Variants in TTLL4 observed in about 807,000 individuals in gnomAD.
TTLL4 encodes tubulin tyrosine ligase like 4, also known as tubulin monoglutamylase TTLL4.
A neutral mutation model predicts 122.7 loss-of-function variants in TTLL4; 85 were observed. That is an observed-to-expected ratio of 0.69 (90% confidence interval 0.58 to 0.83). The LOEUF is 0.83. Among genes scored for constraint, TTLL4 ranks in the 40% least tolerant of loss-of-function variants. The pLI is 0.00. For missense variants in TTLL4, 1,363 were observed against 1,488.6 expected (o/e 0.92, Z 1.39); for synonymous variants, 553 against 563.0 (o/e 0.98, Z 0.25).
In TTLL4 at chr2:218,754,639, A is replaced by C; in HGVS notation, c.*250A>C. ...TGGCTGGCACCTCATATCTCAGCAG[A>C]GAAGCCAGTGGTGGCCACGCAGCCT... On this transcript the variant is annotated 3_prime_UTR_variant, in exon 20 of 20. Transcript: ENST00000392102. 1.7e-6 allele frequency: 1 copy of C among 576,078 alleles called. No homozygotes were observed. The highest frequency in any genetic ancestry group is 2.4e-5 in the South Asian group (1 of 42,544). The allele number at this position is 576,078 out of a possible 1,614,324, so 35.7% of individuals were successfully genotyped here.
chr2:218,742,404 A>C (rs1050149931), intron 5 of TTLL4, among the ~76,000 whole-genome samples: 1 of 152,220 alleles, frequency 6.6e-6, no homozygotes, highest in Non-Finnish European at 1.5e-5. Context: ...ACCACTGAAA[A>C]ACAGAAAAAT....
chr2:218,712,303 A>T (rs1231438222), intron 1 of TTLL4, among the ~76,000 whole-genome samples: 1 of 152,200 alleles, frequency 6.6e-6, no homozygotes, highest in East Asian at 1.9e-4. Context: ...AAGCTGGAGT[A>T]ATCAGGGTTG....
intron 16 of TTLL4, 99 bp downstream of exon 16, chr2:218,751,905 T>TA: frequency 2.0e-6 from 1 of 512,126 alleles, no homozygotes; most frequent in Non-Finnish European, 2.8e-6. Context: ...TTTTCTTTTC[T>TA]TTTTCTTTTT....
At chr2:218,739,238 G>C (rs1341128208) in intron 3 of TTLL4, 75 bp downstream of exon 3, 28 of 1,495,492 alleles carry the variant, frequency 1.9e-5, no homozygotes, top group Non-Finnish European at 2.3e-5. Context: ...CACCGACCCT[G>C]TACCTCTGAA....
In TTLL4 at chr2:218,752,914, G is replaced by T. The variant is rs1471710466; in HGVS notation, c.3128G>T (p.Arg1043Leu). 6.2e-7 allele frequency: 1 copy of T among 1,613,940 alleles called. No individual in the cohort carries two copies. Among genetic ancestry groups the T allele is most frequent in the Non-Finnish European group, 8.5e-7 (1 of 1,180,028 alleles). Residue 1043 changes from arginine (R) to leucine (L), a missense_variant, in exon 17 of 20, where the codon CGA becomes CTA. Arg to Leu is a moderately radical substitution (Grantham distance 102). This residue lies in a region of TTLL4 where 596 missense variants were observed against 655.8 expected (regional missense o/e 0.91). Transcript: ENST00000392102. ...SRYLRFFEQPRYFNILTTQWE... is the reference protein window; with the variant it reads ...SRYLRFFEQPLYFNILTTQWE... Reference sequence around the variant, plus strand: ...TATCTCCGCTTTTTTGAGCAGCCACGATATTTCAACATTCTCACCACCCAA... The same window carrying T: ...TATCTCCGCTTTTTTGAGCAGCCACTATATTTCAACATTCTCACCACCCAA...
chr2:218,751,406 C>T (rs1299565621), intron 15 of TTLL4, among the ~76,000 whole-genome samples: 1 of 152,170 alleles, frequency 6.6e-6, no homozygotes. Flanking sequence ...TAAGTGTTCA[C>T]TGAATTAAAC....
intron 17 of TTLL4, 49 bp downstream of exon 17, chr2:218,753,022 A>C (rs1244949944): frequency 6.2e-7 from 1 of 1,613,678 alleles, no homozygotes; most frequent in African/African-American, 1.3e-5. Context: ...TGAGAGATTA[A>C]ATCCCAGTAT....
At chr2:218,718,081 G>A (rs929721805) in intron 1 of TTLL4, among the ~76,000 whole-genome samples, 1 of 152,214 alleles carries the variant, frequency 6.6e-6, no homozygotes, top group Non-Finnish European at 1.5e-5. Context: ...GAGCCTGTCA[G>A]TTCTATCTTC....
chr2:218,713,723 T>A (rs1185774892), intron 1 of TTLL4, among the ~76,000 whole-genome samples: 6 of 152,226 alleles, frequency 3.9e-5, no homozygotes, highest in Non-Finnish European at 7.3e-5. Flanking sequence ...TATTTAAGAT[T>A]ACTGTAGTGT....
At chr2:218,716,270 C>T (rs1941854188) in intron 1 of TTLL4, among the ~76,000 whole-genome samples, 1 of 152,186 alleles carries the variant, frequency 6.6e-6, no homozygotes, top group African/African-American at 2.4e-5. Context: ...GAACCTTTGC[C>T]AAATAATGAC....
rs768634531 is a variant in TTLL4 at position 218,747,135 on chromosome 2, G to A, written c.2107G>A (p.Ala703Thr). The change falls in exon 9 of 20, where the codon GCC (alanine) becomes ACC (threonine). Residue 703 changes from alanine (A) to threonine (T), a missense_variant. Physicochemically the swap from Ala to Thr is moderately conservative, Grantham distance 58. Coordinates refer to ENST00000392102, the MANE Select transcript of TTLL4 (RefSeq NM_014640.5). This position sits in a 1 kb window ranked among gnomAD's most constrained non-coding sequence, Gnocchi z 4.7. ...CCAGTCCTTTATCCTGCCCCAGGAC[G>A]CCAAGCTCCTGCGCAAAGCGTGGGA... ...FPQSFILPQD[A>T]KLLRKAWESS... 1.1e-5 allele frequency: 18 copies of A among 1,614,092 alleles called. No homozygotes were observed. The highest frequency in any genetic ancestry group is 1.4e-5 in the Non-Finnish European group (16 of 1,180,042).
At chr2:218,719,355 G>A (rs185831480) in intron 1 of TTLL4, among the ~76,000 whole-genome samples, 13 of 152,250 alleles carry the variant, frequency 8.5e-5, no homozygotes, top group Admixed American at 8.5e-4. Context: ...AAAGTATCAC[G>A]TGAGAGGGAC....
At chr2:218,733,217 T>G (rs1942427549) in intron 2 of TTLL4, among the ~76,000 whole-genome samples, 1 of 152,152 alleles carries the variant, frequency 6.6e-6, no homozygotes, top group African/African-American at 2.4e-5. Context: ...GGGACTGTAT[T>G]AGTTCGTTCT....
chr2:218,743,891 C>G (rs1942772352), intron 5 of TTLL4, among the ~76,000 whole-genome samples: 1 of 152,174 alleles, frequency 6.6e-6, no homozygotes, highest in Non-Finnish European at 1.5e-5. Context: ...GTTGGTCAGG[C>G]TGGTCTCCAA....
chr2:218,749,382 C>T lies in TTLL4; in HGVS notation c.2730C>T (p.Ser910=). 6.2e-7 allele frequency: 1 copy of T among 1,614,166 alleles called. No individual in the cohort carries two copies. Among genetic ancestry groups the T allele is most frequent in the Non-Finnish European group, 8.5e-7 (1 of 1,180,026 alleles). The part of the protein sequence containing the change: ...LKPWVLEVNI[S]PSLHSSSPLD... The stretch of plus-strand genomic sequence containing the variant: ...CCTGGGTCCTGGAAGTCAACATTTC[C>T]CCAAGGTAGGTGGTATTCTCAGGAC... Residue 910 remains serine (S), a synonymous_variant, in exon 14 of 20, where the codon TCC becomes TCT. Transcript: ENST00000392102.
chr2:218,759,175 C>T (rs1377215385), downstream of TTLL4, among the ~76,000 whole-genome samples: 6 of 152,156 alleles, frequency 3.9e-5, no homozygotes, highest in Non-Finnish European at 7.3e-5. Context: ...ACCCAGGAGG[C>T]AGAAGGTTGC....
At chr2:218,739,251 T>C (rs1365103774) in intron 3 of TTLL4, 88 bp downstream of exon 3, 1 of 1,465,580 alleles carries the variant, frequency 6.8e-7, no homozygotes, top group East Asian at 2.3e-5. Flanking sequence ...CCTCTGAAGG[T>C]TGGTTTTATT....
Position 218,738,787 on chromosome 2 carries a change from A to C in TTLL4, c.1111A>C (p.Asn371His). 6.2e-7 allele frequency: 1 copy of C among 1,614,170 alleles called. No individual in the cohort carries two copies. The highest frequency in any genetic ancestry group is 8.5e-7 in the Non-Finnish European group (1 of 1,180,026). Residue 371 changes from asparagine to histidine, a missense_variant, in exon 3 of 20, where the codon AAT (asparagine) becomes CAT (histidine). Physicochemically the swap from Asn to His is moderately conservative, Grantham distance 68 (BLOSUM62 1). Transcript: ENST00000392102. ...TTTCCTGAACCCCAGCTTCCAGTGG[A>C]ATGTCCTCAACAGGAGCAGGCGGTG... The part of the protein sequence containing the change: ...SSFLNPSFQW[N>H]VLNRSRRWKP...
rs1941702040 is a variant in TTLL4, at chr2:218,711,451, C to T, written c.-178+414C>T. Among the ~76,000 whole-genome samples, 3 of 152,220 alleles carry T rather than the reference C, an allele frequency of 2.0e-5. No individual in the cohort carries two copies. The South Asian group carries it at 6.2e-4, about 32-fold the overall frequency. ...GATATCTGCTTTTTCACTTCTCCAT[C>T]CTCAGTATCTGTAGAAGAATACGTT... On this transcript the variant is annotated intron_variant, in intron 1 of 19. Coordinates refer to ENST00000392102, the MANE Select transcript of TTLL4 (RefSeq NM_014640.5).
Sources: allele counts gnomAD v4.1 joint callset (sites outside exome capture counted in the v4.1 genomes callset), GRCh38; gene constraint gnomAD v4.1.1; regional missense constraint gnomAD v4.1.1; non-coding constraint Gnocchi (gnomAD v3.1); transcripts MANE v1.5; gene names NCBI Gene and HGNC (gene_info 2026-07-23, HGNC 2026-07-21).